Variants in TTC28 observed in about 807,000 individuals in gnomAD.
The protein encoded by TTC28 is tetratricopeptide repeat domain 28.
A neutral mutation model predicts 198.0 loss-of-function variants in TTC28; 61 were observed. That is an observed-to-expected ratio of 0.31 (90% CI 0.25 to 0.38). The LOEUF is 0.38. Ranked by LOEUF, TTC28 falls within the 10% of genes least tolerant of loss-of-function variation. The pLI, the probability that TTC28 is intolerant of heterozygous loss-of-function variation, is 1.00. For missense variants in TTC28, 2,678 were observed against 3,164.0 expected (o/e 0.85, Z 3.69); for synonymous variants, 1,171 against 1,297.8 (o/e 0.90, Z 2.10).
At position 28,123,247 on chromosome 22, in the gene TTC28, T is replaced by TG. The variant is rs1414971754; in HGVS notation, c.1442-14845_1442-14844insC. ...AGTTTCCCACTGTTTCAGGTTTTTT[T>TG]TTTTGTTTGTTTGTTTGTTTGTTTT... is the stretch of plus-strand genomic sequence containing the variant. On this transcript the variant is annotated intron_variant, in intron 6 of 22. Coordinates refer to ENST00000397906, the MANE Select transcript of TTC28 (RefSeq NM_001145418.2). Among the ~76,000 whole-genome samples, 142 of 151,520 alleles carry TG rather than the reference T, an allele frequency of 9.4e-4. 1 individual carries two copies. The highest frequency in any genetic ancestry group is 3.3e-3 in the African/African-American group (134 of 40,848).
intron 5 of TTC28, among the ~76,000 whole-genome samples, chr22:28,269,256 G>A (rs1360515492): frequency 2.0e-5 from 3 of 151,958 alleles, no homozygotes; most frequent in Non-Finnish European, 4.4e-5. Context: ...AGTGGTCTTT[G>A]GAAGCTAAGG....
chr22:28,512,366 G>A lies in TTC28; in HGVS notation c.381+117186C>T, dbSNP rs1329083942. The stretch of plus-strand genomic sequence containing the variant: ...TTCAACCATTATGGAAGACGGTGTG[G>A]CAATTCCTCAAAGACCTAGAGGCAG... On this transcript the variant is annotated intron_variant, in intron 2 of 22. Coordinates refer to ENST00000397906, the MANE Select transcript of TTC28 (RefSeq NM_001145418.2). Among the ~76,000 whole-genome samples the A allele has an allele frequency of 2.6e-5, 4 of 152,140 alleles. No individual in the cohort carries two copies. In the East Asian group the frequency reaches 7.7e-4, roughly 29 times the overall value.
intron 6 of TTC28, among the ~76,000 whole-genome samples, chr22:28,160,586 A>C (rs1361844689): frequency 6.6e-6 from 1 of 152,208 alleles, no homozygotes; most frequent in Non-Finnish European, 1.5e-5. Context: ...TTACAATCCA[A>C]GATTTGAAAA....
chr22:28,054,967 C>CT (rs1940224566), intron 12 of TTC28, among the ~76,000 whole-genome samples: 1 of 152,150 alleles, frequency 6.6e-6, no homozygotes, highest in African/African-American at 2.4e-5. Flanking sequence ...AGTTCCCTGT[C>CT]TTTGAGTCCA....
chr22:28,131,497 C>T (rs1943059507), intron 6 of TTC28, among the ~76,000 whole-genome samples: 2 of 152,236 alleles, frequency 1.3e-5, no homozygotes, highest in South Asian at 4.1e-4. Flanking sequence ...TGACTGGGGG[C>T]TGTGGCTCAC....
chr22:28,365,845 A>G (rs1697381642), intron 2 of TTC28, among the ~76,000 whole-genome samples: 1 of 152,234 alleles, frequency 6.6e-6, no homozygotes, highest in Admixed American at 6.5e-5. Flanking sequence ...AATCCAGTGC[A>G]CATTTCTAAT....
At chr22:28,596,077 A>C (rs2050536849) in intron 2 of TTC28, among the ~76,000 whole-genome samples, 1 of 152,216 alleles carries the variant, frequency 6.6e-6, no homozygotes, top group African/African-American at 2.4e-5. Context: ...AAAAGAGCTT[A>C]AGAGGAAATT....
intron 10 of TTC28, 97 bp downstream of exon 10, chr22:28,098,817 AT>A: frequency 7.1e-7 from 1 of 1,415,038 alleles, no homozygotes; most frequent in South Asian, 1.5e-5. Context: ...AACAAATCAT[AT>A]TTCTTCACCG....
intron 6 of TTC28, among the ~76,000 whole-genome samples, chr22:28,153,332 A>T (rs1428082261): frequency 6.6e-6 from 1 of 151,128 alleles, no homozygotes; most frequent in Non-Finnish European, 1.5e-5. Context: ...AAAAGAGGCT[A>T]AGCATCATTT....
chr22:28,462,014 G>C (rs1469647667), intron 2 of TTC28, among the ~76,000 whole-genome samples: 2 of 152,092 alleles, frequency 1.3e-5, no homozygotes, highest in Admixed American at 1.3e-4. Flanking sequence ...AGTATATATA[G>C]TCTGGTACTA....
At chr22:28,086,762 A>G (rs1408295551) in intron 12 of TTC28, among the ~76,000 whole-genome samples, 3 of 152,082 alleles carry the variant, frequency 2.0e-5, no homozygotes, top group Non-Finnish European at 2.9e-5. Context: ...TTGATAGACC[A>G]CTAGCAAGAC....
intron 2 of TTC28, among the ~76,000 whole-genome samples, chr22:28,371,529 A>AAAAAAAAAAAAAAG (rs71194763): frequency 8.0e-6 from 1 of 125,698 alleles, no homozygotes; most frequent in Non-Finnish European, 1.7e-5. Context: ...AAAAAAAAAA[A>AAAAAAAAAAAAAAG]GAGTTCAGAA....
At chr22:28,433,784 T>C (rs1433817832) in intron 2 of TTC28, among the ~76,000 whole-genome samples, 2 of 152,174 alleles carry the variant, frequency 1.3e-5, no homozygotes, top group Non-Finnish European at 2.9e-5. Context: ...GTATTGTGTG[T>C]GTTTGTTTGA....
At chr22:28,357,764 C>G (rs1221028313) in intron 2 of TTC28, among the ~76,000 whole-genome samples, 1 of 152,142 alleles carries the variant, frequency 6.6e-6, no homozygotes, top group African/African-American at 2.4e-5. Context: ...CCCCAGTGTT[C>G]CCCATCCAAT....
intron 2 of TTC28, among the ~76,000 whole-genome samples, chr22:28,419,062 G>T (rs1344221610): frequency 2.0e-5 from 3 of 152,036 alleles, no homozygotes; most frequent in African/African-American, 7.2e-5. Context: ...TTATTATAAT[G>T]ACCAGACAGT....
At chr22:28,045,726 G>C (rs933874407) in intron 12 of TTC28, among the ~76,000 whole-genome samples, 3 of 152,210 alleles carry the variant, frequency 2.0e-5, no homozygotes, top group Non-Finnish European at 4.4e-5. Flanking sequence ...CACTTTGGGA[G>C]GCCAAGGCAG....
At chr22:28,201,432 A>C (rs908248942) in intron 5 of TTC28, among the ~76,000 whole-genome samples, 3 of 152,170 alleles carry the variant, frequency 2.0e-5, no homozygotes, top group Non-Finnish European at 4.4e-5. Flanking sequence ...AGGAAGGCTT[A>C]TCAGAGAAAC....
rs1937007423 is a variant in TTC28 at position 27,981,232 on chromosome 22, T to A, written c.*989A>T. On this transcript the variant is annotated 3_prime_UTR_variant, in exon 23 of 23. Transcript: ENST00000397906. ...GTTAAATCTAGTTAGCCATGGAAATTTTTTTTTTTTTTTTTTTTTTTTTTT... is the reference window on the plus strand; with the variant it reads ...GTTAAATCTAGTTAGCCATGGAAATATTTTTTTTTTTTTTTTTTTTTTTTT... The A allele has an allele frequency of 1.2e-5, 1 of 85,458 alleles. No homozygotes were observed. Among genetic ancestry groups the A allele is most frequent in the African/African-American group, 5.7e-5 (1 of 17,402 alleles). The allele number at this position is 85,458 out of a possible 1,614,324, so 5.3% of individuals were successfully genotyped here. A position where few individuals can be genotyped will look rare whatever the true frequency, so the allele number is the denominator to read the frequency against.
rs912998826 is a variant in TTC28, at chr22:28,409,320, G to A, written c.382-102677C>T. 2.0e-5 allele frequency among the ~76,000 whole-genome samples: 3 copies of A among 152,084 alleles called. 1 individual carries two copies. The highest frequency in any genetic ancestry group is 4.4e-5 in the Non-Finnish European group (3 of 68,012). ...CATCTAATTCAATCTCTTATTTGAT[G>A]CCAAAATCCCATCAACAGTAGCCCT... On this transcript the variant is annotated intron_variant, in intron 2 of 22. Coordinates refer to ENST00000397906, the MANE Select transcript of TTC28 (RefSeq NM_001145418.2).
Sources: allele counts gnomAD v4.1 joint callset (sites outside exome capture counted in the v4.1 genomes callset), GRCh38; gene constraint gnomAD v4.1.1; transcripts MANE v1.5; gene names NCBI Gene and HGNC (gene_info 2026-07-23, HGNC 2026-07-21).